Variants in PRKD1 observed in about 807,000 individuals in gnomAD.
PRKD1 encodes serine/threonine-protein kinase D1.
Under a neutral mutation model 95.9 loss-of-function variants are expected in PRKD1, and 63 were observed. The observed-to-expected ratio is 0.66, with a 90% CI of 0.54 to 0.81. PRKD1 has a LOEUF of 0.81. Among genes scored for constraint, PRKD1 ranks in the 30% least tolerant of loss-of-function variants. PRKD1 has a pLI of 0.00. For missense variants in PRKD1, 1,048 were observed against 1,165.3 expected (o/e 0.90, Z 1.47); for synonymous variants, 425 against 423.1 (o/e 1.00, Z -0.05).
At chr14:29,763,472 G>A (rs1388839770) in intron 1 of PRKD1, among the ~76,000 whole-genome samples, 1 of 103,622 alleles carries the variant, frequency 9.7e-6, no homozygotes, top group Admixed American at 9.0e-5. Flanking sequence ...GGAAGGGGAG[G>A]GGAGGAGAGG....
chr14:29,757,752 A>G (rs149880284), intron 1 of PRKD1, among the ~76,000 whole-genome samples: 10 of 152,200 alleles, frequency 6.6e-5, no homozygotes, highest in African/African-American at 9.6e-5. Flanking sequence ...GAGGTCTTTC[A>G]AAGACTGGTT....
At chr14:29,893,261 G>T (rs981915913) in intron 1 of PRKD1, among the ~76,000 whole-genome samples, 1 of 151,914 alleles carries the variant, frequency 6.6e-6, no homozygotes, top group Non-Finnish European at 1.5e-5. Flanking sequence ...ATACATATAA[G>T]AGTAGTTTAT....
chr14:29,830,358 T>A (rs1217372060), intron 1 of PRKD1, among the ~76,000 whole-genome samples: 1 of 152,186 alleles, frequency 6.6e-6, no homozygotes, highest in Non-Finnish European at 1.5e-5. Context: ...CAAGAAGACA[T>A]TCAGAGTGGA....
intron 1 of PRKD1, among the ~76,000 whole-genome samples, chr14:29,841,910 ATACT>A (rs1891866108): frequency 6.6e-6 from 1 of 151,938 alleles, no homozygotes; most frequent in African/African-American, 2.4e-5. Flanking sequence ...CTTTTTTTAT[ATACT>A]TATTCTATAA....
At chr14:29,663,503 G>A (rs1158040712) in intron 4 of PRKD1, among the ~76,000 whole-genome samples, 196 bp downstream of exon 4, 1 of 152,172 alleles carries the variant, frequency 6.6e-6, no homozygotes, top group Non-Finnish European at 1.5e-5. Context: ...TAAGCTCAGA[G>A]ATAAAAGCAA....
chr14:29,904,480 A>T (rs1354346774), intron 1 of PRKD1, among the ~76,000 whole-genome samples: 2 of 152,216 alleles, frequency 1.3e-5, no homozygotes, highest in Non-Finnish European at 2.9e-5. Context: ...TCTTTTGCAA[A>T]TTAAATGTAT....
chr14:29,645,903 A>G (rs1269180705), intron 4 of PRKD1, among the ~76,000 whole-genome samples: 1 of 152,024 alleles, frequency 6.6e-6, no homozygotes, highest in Non-Finnish European at 1.5e-5. Context: ...TGTCTCCTCC[A>G]AAGTCATTAA....
At chr14:29,853,888 C>T (rs1024617623) in intron 1 of PRKD1, among the ~76,000 whole-genome samples, 1 of 152,054 alleles carries the variant, frequency 6.6e-6, no homozygotes, top group Non-Finnish European at 1.5e-5. Flanking sequence ...TGCACAAGCT[C>T]TCTCTCTCTG....
At chr14:29,859,665 C>T (rs1487123296) in intron 1 of PRKD1, among the ~76,000 whole-genome samples, 1 of 151,478 alleles carries the variant, frequency 6.6e-6, no homozygotes. Flanking sequence ...AACAAGCTTC[C>T]TCATGTAGAT....
intron 1 of PRKD1, among the ~76,000 whole-genome samples, chr14:29,772,419 G>C (rs1009587082): frequency 2.0e-5 from 3 of 152,070 alleles, no homozygotes; most frequent in Non-Finnish European, 4.4e-5. Flanking sequence ...CGAATCTGCT[G>C]GTGCTTTCAT....
chr14:29,616,332 A>G (rs1174751045), intron 13 of PRKD1, among the ~76,000 whole-genome samples: 1 of 151,520 alleles, frequency 6.6e-6, no homozygotes, highest in Admixed American at 6.6e-5. Context: ...GAAATTTATA[A>G]ACAAGAAATG....
chr14:29,900,202 C>T (rs1894274241), intron 1 of PRKD1, among the ~76,000 whole-genome samples: 1 of 152,164 alleles, frequency 6.6e-6, no homozygotes, highest in African/African-American at 2.4e-5. Context: ...TCCTAAATGT[C>T]TACTGCACAG....
chr14:29,770,299 A>AAT (rs1491493451), intron 1 of PRKD1, among the ~76,000 whole-genome samples: 3 of 152,248 alleles, frequency 2.0e-5, no homozygotes, highest in Admixed American at 6.5e-5. Flanking sequence ...AAAGCATGGA[A>AAT]GAACCGCTAG....
At chr14:29,910,520 C>T (rs1198719507) in intron 1 of PRKD1, among the ~76,000 whole-genome samples, 1 of 152,118 alleles carries the variant, frequency 6.6e-6, no homozygotes, top group Non-Finnish European at 1.5e-5. Flanking sequence ...CATTCAATCA[C>T]ATACTTAATA....
At chr14:29,725,704 A>T in intron 1 of PRKD1, 30 bp from the exon 2 acceptor site, 1 of 1,601,284 alleles carries the variant, frequency 6.2e-7, no homozygotes, top group Non-Finnish European at 8.5e-7. Flanking sequence ...GAGAGTGTAA[A>T]TGTCAAAATC....
intron 1 of PRKD1, among the ~76,000 whole-genome samples, chr14:29,923,111 G>A (rs1190741249): frequency 4.6e-5 from 7 of 151,032 alleles, no homozygotes; most frequent in African/African-American, 1.7e-4. Context: ...CATACCTGTA[G>A]ACCCAGCTAC....
At chr14:29,742,928 C>A (rs2139437584) in intron 1 of PRKD1, among the ~76,000 whole-genome samples, 1 of 152,246 alleles carries the variant, frequency 6.6e-6, no homozygotes, top group African/African-American at 2.4e-5. Flanking sequence ...GAGCCCTCAC[C>A]CCCATGAAGG....
chr14:29,653,179 A>AT (rs1415483577), intron 4 of PRKD1, among the ~76,000 whole-genome samples: 2 of 152,184 alleles, frequency 1.3e-5, no homozygotes, highest in Non-Finnish European at 2.9e-5. Flanking sequence ...GCAACCTCAC[A>AT]TAAAAAGTTA....
At chr14:29,604,299 T>C (rs1247048568) in intron 13 of PRKD1, among the ~76,000 whole-genome samples, 1 of 152,156 alleles carries the variant, frequency 6.6e-6, no homozygotes, top group East Asian at 1.9e-4. Context: ...CTTCTACCTT[T>C]AGGATTATTC....
Sources: allele counts gnomAD v4.1 joint callset (sites outside exome capture counted in the v4.1 genomes callset), GRCh38; gene constraint gnomAD v4.1.1; transcripts MANE v1.5; gene names NCBI Gene and HGNC (gene_info 2026-07-23, HGNC 2026-07-21).